MID1: variants seen among roughly 807,000 people sequenced by gnomAD.
MID1 encodes the protein midline 1.
MID1 carries 7 observed loss-of-function variants against 40.4 expected under a neutral mutation model. That is an observed-to-expected ratio of 0.17 (90% CI 0.10 to 0.33). The LOEUF (loss-of-function observed/expected upper bound fraction) is 0.33. Ranked by LOEUF, MID1 falls within the 10% of genes least tolerant of loss-of-function variation. The pLI, the probability that MID1 is intolerant of heterozygous loss-of-function variation, is 1.00. For synonymous variants in MID1, 229 were observed against 221.2 expected, an observed-to-expected ratio of 1.04 and a Z score of -0.31; for missense variants, 367 against 558.5, an observed-to-expected ratio of 0.66 and a Z score of 3.46.
chrX:10,569,989 T>C (rs1184184237), intron 1 of MID1, among the ~76,000 whole-genome samples: 1 of 111,923 alleles, frequency 8.9e-6, no homozygotes, highest in Non-Finnish European at 1.9e-5. Flanking sequence ...CCCTATAGTC[T>C]ATCCTCCACT....
chrX:10,451,061 G>T (rs1348683254), intron 9 of MID1, among the ~76,000 whole-genome samples: 1 of 111,746 alleles, frequency 8.9e-6, no homozygotes, highest in East Asian at 2.8e-4. Flanking sequence ...TGGTGTGTTT[G>T]TTTAAAAAGA....
At chrX:10,542,204 G>A (rs900331842) in intron 2 of MID1, among the ~76,000 whole-genome samples, 6 of 112,061 alleles carry the variant, frequency 5.4e-5, no homozygotes, top group Middle Eastern at 4.6e-3. Flanking sequence ...AATGTGTTTC[G>A]CAGACTTTTT....
At chrX:10,500,097 T>C (rs1931466106) in intron 3 of MID1, among the ~76,000 whole-genome samples, 1 of 112,076 alleles carries the variant, frequency 8.9e-6, no homozygotes, top group Admixed American at 9.5e-5. Flanking sequence ...AGATTATGAT[T>C]TAGTTTAGGG....
intron 1 of MID1, among the ~76,000 whole-genome samples, chrX:10,669,453 T>C (rs945946669): frequency 9.0e-6 from 1 of 111,504 alleles, no homozygotes; most frequent in African/African-American, 3.3e-5. Context: ...TCAGTAATTA[T>C]ATGTTATTTT....
At chrX:10,589,119 C>G (rs1346388924) in intron 1 of MID1, among the ~76,000 whole-genome samples, 3 of 111,822 alleles carry the variant, frequency 2.7e-5, no homozygotes, top group Non-Finnish European at 3.8e-5. Context: ...GCAGTTTACA[C>G]CAAACCAGAA....
At chrX:10,541,448 C>T (rs548235810) in intron 2 of MID1, among the ~76,000 whole-genome samples, 4 of 110,528 alleles carry the variant, frequency 3.6e-5, no homozygotes, top group East Asian at 2.9e-4. Flanking sequence ...CAATGTACTC[C>T]GAGGCAGGCT....
intron 1 of MID1, among the ~76,000 whole-genome samples, chrX:10,618,003 A>G (rs1935868679): frequency 8.9e-6 from 1 of 112,468 alleles, no homozygotes; most frequent in African/African-American, 3.2e-5. Flanking sequence ...CTTTTCTGCC[A>G]ACCTGGCAGA....
At chrX:10,518,705 T>C (rs1932569823) in intron 3 of MID1, among the ~76,000 whole-genome samples, 1 of 112,109 alleles carries the variant, frequency 8.9e-6, no homozygotes, top group Admixed American at 9.5e-5. Flanking sequence ...TATCATTATT[T>C]TTGTACTCAT....
chrX:10,685,281 A>G (rs2043087611), intron 1 of MID1, among the ~76,000 whole-genome samples: 2 of 111,634 alleles, frequency 1.8e-5, no homozygotes, highest in African/African-American at 6.5e-5. Context: ...AAGGCCTCAG[A>G]AGCAAAAGTT....
intron 3 of MID1, among the ~76,000 whole-genome samples, chrX:10,519,340 T>C (rs745394887): frequency 9.2e-4 from 103 of 112,110 alleles, no homozygotes; most frequent in African/African-American, 3.0e-3. Context: ...ATAATACATA[T>C]TAACTTTACC....
intron 1 of MID1, among the ~76,000 whole-genome samples, chrX:10,792,813 T>A (rs978852610): frequency 1.8e-5 from 2 of 111,596 alleles, no homozygotes; most frequent in Non-Finnish European, 3.8e-5. Context: ...TAATTAGTGG[T>A]GATAGTTGCA....
intron 1 of MID1, among the ~76,000 whole-genome samples, chrX:10,807,514 G>T (rs2044056544): frequency 9.0e-6 from 1 of 111,395 alleles, no homozygotes; most frequent in Admixed American, 9.6e-5. Context: ...TCAGGTTGTT[G>T]ACTGAATTTA....
intron 1 of MID1, among the ~76,000 whole-genome samples, 180 bp downstream of exon 1, chrX:10,620,110 G>C (rs1249408583): frequency 1.8e-5 from 2 of 112,269 alleles, no homozygotes; most frequent in Non-Finnish European, 3.8e-5. Context: ...CCAGACCGGG[G>C]TGGCTCAGGT....
chrX:10,450,679 G>C (rs1569266182), intron 9 of MID1, among the ~76,000 whole-genome samples: 1 of 111,404 alleles, frequency 9.0e-6, no homozygotes, highest in African/African-American at 3.3e-5. Flanking sequence ...GATTATACTG[G>C]AAAAAAAATT....
At chrX:10,630,433 A>G (rs1936039878) in intron 1 of MID1, among the ~76,000 whole-genome samples, 1 of 110,924 alleles carries the variant, frequency 9.0e-6, no homozygotes, top group South Asian at 3.9e-4. Context: ...GCCAGGGTGA[A>G]CTCAACCAAC....
intron 7 of MID1, among the ~76,000 whole-genome samples, chrX:10,461,795 C>T (rs1360738618): frequency 8.9e-6 from 1 of 112,233 alleles, no homozygotes; most frequent in African/African-American, 3.2e-5. Flanking sequence ...AAATGAGAAT[C>T]GTATCAATTT....
chrX:10,576,820 C>T (rs1934882381), intron 1 of MID1: 1 of 110,790 alleles, frequency 9.0e-6, no homozygotes, highest in Admixed American at 9.5e-5. Context: ...GAAGAAACAT[C>T]GCCGTAGGCA....
chrX:10,796,187 A>G (rs1446064970), intron 1 of MID1, among the ~76,000 whole-genome samples: 1 of 112,241 alleles, frequency 8.9e-6, no homozygotes, highest in Admixed American at 9.5e-5. Flanking sequence ...TAATTGAAAA[A>G]GTGCATTTTA....
intron 1 of MID1, among the ~76,000 whole-genome samples, chrX:10,633,488 C>T (rs1213520676): frequency 9.0e-6 from 1 of 110,763 alleles, no homozygotes; most frequent in Non-Finnish European, 1.9e-5. Context: ...CTCTCTGTTG[C>T]CCAGGCTAGA....
Sources: allele counts gnomAD v4.1 joint callset (sites outside exome capture counted in the v4.1 genomes callset), GRCh38; gene constraint gnomAD v4.1.1; transcripts MANE v1.5; gene names NCBI Gene and HGNC (gene_info 2026-07-23, HGNC 2026-07-21).